The following LINGO2 variants were observed in gnomAD, a reference collection of about 807,000 sequenced individuals.
The protein encoded by LINGO2 is leucine rich repeat and Ig domain containing 2, also known as leucine-rich repeat and immunoglobulin-like domain-containing nogo receptor-interacting protein 2.
Under a neutral mutation model 30.6 loss-of-function variants are expected in LINGO2, and 14 were observed. That is an observed-to-expected ratio of 0.46 (90% confidence interval 0.30 to 0.72). LINGO2 has a LOEUF of 0.72. Ranked by LOEUF, LINGO2 falls within the 30% of genes least tolerant of loss-of-function variation. The probability of loss-of-function intolerance (pLI) is 0.07; values close to 1 mark genes in which losing one functional copy is unlikely to be tolerated. For synonymous variants in LINGO2, 317 were observed against 288.5 expected (o/e 1.10, Z -1.00); for missense variants, 729 against 751.7 (o/e 0.97, Z 0.35).
At chr9:29,007,556 G>A in the LINGO2 span, among the ~76,000 whole-genome samples, 1 of 151,974 alleles carries the variant, frequency 6.6e-6, no homozygotes, top group African/African-American at 2.4e-5. Flanking sequence ...GCCACTGAAG[G>A]CCTTTTTTTC....
At chr9:28,188,205 A>C (rs182042944) in intron 4 of LINGO2, among the ~76,000 whole-genome samples, 27 of 152,246 alleles carry the variant, frequency 1.8e-4, no homozygotes, top group Admixed American at 9.8e-4. Flanking sequence ...ACTCATAGCT[A>C]ATTTCTACTT....
At chr9:28,677,465 C>G in the LINGO2 span, among the ~76,000 whole-genome samples, 3 of 152,080 alleles carry the variant, frequency 2.0e-5, no homozygotes, top group Admixed American at 6.6e-5. Context: ...AGCCAGTATC[C>G]AAGAAATATT....
At chr9:28,172,156 C>T (rs968214689) in intron 4 of LINGO2, among the ~76,000 whole-genome samples, 11 of 151,384 alleles carry the variant, frequency 7.3e-5, no homozygotes, top group African/African-American at 2.7e-4. Context: ...CTTTGGGAGG[C>T]CGAGGCGGGC....
At chr9:28,624,368 G>A (rs1042445156) in intron 1 of LINGO2, among the ~76,000 whole-genome samples, 11 of 151,622 alleles carry the variant, frequency 7.3e-5, no homozygotes, top group South Asian at 2.1e-4. Flanking sequence ...AGTTTTGGGC[G>A]GATTTTATCA....
chr9:28,257,146 ATGT>A (rs1400097661), intron 4 of LINGO2, among the ~76,000 whole-genome samples: 1 of 151,284 alleles, frequency 6.6e-6, no homozygotes, highest in East Asian at 1.9e-4. Flanking sequence ...GGAAATATTT[ATGT>A]TATTATCTTT....
chr9:29,075,168 C>A, the LINGO2 span, among the ~76,000 whole-genome samples: 1 of 152,066 alleles, frequency 6.6e-6, no homozygotes, highest in Non-Finnish European at 1.5e-5. Context: ...AGGATTCAGG[C>A]TATTCTACTC....
At chr9:28,228,393 CA>C (rs550398604) in intron 4 of LINGO2, among the ~76,000 whole-genome samples, 19 of 152,018 alleles carry the variant, frequency 1.2e-4, no homozygotes, top group Non-Finnish European at 2.7e-4. Flanking sequence ...CGAACTAAAT[CA>C]GATCCATTTG....
At chr9:28,588,047 C>T (rs1249603190) in intron 1 of LINGO2, among the ~76,000 whole-genome samples, 2 of 151,994 alleles carry the variant, frequency 1.3e-5, no homozygotes, top group South Asian at 2.1e-4. Flanking sequence ...GCAAGCCATA[C>T]CTGGCTCTCA....
chr9:28,885,147 A>C, the LINGO2 span, among the ~76,000 whole-genome samples: 1 of 146,712 alleles, frequency 6.8e-6, no homozygotes, highest in East Asian at 2.0e-4. Context: ...CGGGCACTCA[A>C]AGTCTCTCTT....
chr9:28,248,664 A>G (rs1201884265), intron 4 of LINGO2, among the ~76,000 whole-genome samples: 4 of 152,130 alleles, frequency 2.6e-5, no homozygotes, highest in South Asian at 2.1e-4. Flanking sequence ...GGGAATGAAT[A>G]CCCAATTTTC....
intron 4 of LINGO2, among the ~76,000 whole-genome samples, chr9:28,290,934 A>G (rs1823704743): frequency 6.6e-6 from 1 of 152,226 alleles, no homozygotes; most frequent in East Asian, 1.9e-4. Flanking sequence ...CCCCAACCCC[A>G]GCAGCTCTCA....
chr9:28,632,453 A>G (rs1471366970), intron 1 of LINGO2, among the ~76,000 whole-genome samples: 1 of 151,318 alleles, frequency 6.6e-6, no homozygotes, highest in Non-Finnish European at 1.5e-5. Flanking sequence ...TAAAATAAGC[A>G]AAAACGGGGG....
intron 4 of LINGO2, among the ~76,000 whole-genome samples, chr9:28,079,454 C>A (rs1825714768): frequency 6.6e-6 from 1 of 152,154 alleles, no homozygotes; most frequent in African/African-American, 2.4e-5. Flanking sequence ...TCTAAAATAA[C>A]TAACAATGCT....
At chr9:29,101,113 G>T in the LINGO2 span, among the ~76,000 whole-genome samples, 32 of 152,240 alleles carry the variant, frequency 2.1e-4, no homozygotes, top group Non-Finnish European at 4.4e-5. Flanking sequence ...ATGCCTAAAA[G>T]ATGTCATAAC....
chr9:28,211,818 C>T (rs994499976), intron 4 of LINGO2, among the ~76,000 whole-genome samples: 3 of 151,292 alleles, frequency 2.0e-5, no homozygotes, highest in African/African-American at 7.3e-5. Context: ...TCCTTTCTTG[C>T]TTGCTAAATT....
intron 1 of LINGO2, among the ~76,000 whole-genome samples, chr9:28,575,059 C>T (rs931268207): frequency 2.0e-5 from 3 of 152,106 alleles, no homozygotes; most frequent in Admixed American, 6.6e-5. Flanking sequence ...TTTGCAATAA[C>T]CTGGATGCAG....
At chr9:29,115,499 G>T in the LINGO2 span, among the ~76,000 whole-genome samples, 5 of 151,724 alleles carry the variant, frequency 3.3e-5, no homozygotes, top group Non-Finnish European at 5.9e-5. Context: ...ACATAATGTG[G>T]TGTCTCCCAT....
chr9:28,546,412 G>T (rs1681311177), intron 1 of LINGO2, among the ~76,000 whole-genome samples: 1 of 152,082 alleles, frequency 6.6e-6, no homozygotes, highest in African/African-American at 2.4e-5. Context: ...TGGACAAAAA[G>T]GGAATGATCT....
chr9:28,432,745 A>C (rs1823729756), intron 2 of LINGO2, among the ~76,000 whole-genome samples: 1 of 152,150 alleles, frequency 6.6e-6, no homozygotes, highest in Non-Finnish European at 1.5e-5. Flanking sequence ...ATTTTGTATT[A>C]ACTGCACTTT....
Sources: gnomAD v4.1 joint callset for allele counts (sites outside exome capture counted in the v4.1 genomes callset) on GRCh38, gnomAD v4.1.1 for gene constraint, MANE v1.5 for transcripts, NCBI Gene and HGNC (gene_info 2026-07-23, HGNC 2026-07-21) for gene names.